Variants in MGAT4C observed in about 807,000 individuals in gnomAD.
MGAT4C encodes MGAT4 family member C, also known as alpha-1,3-mannosyl-glycoprotein 4-beta-N-acetylglucosaminyltransferase C.
Under a neutral mutation model 40.1 loss-of-function variants are expected in MGAT4C, and 19 were observed. That is an observed-to-expected ratio of 0.47 (90% CI 0.33 to 0.70). The LOEUF is 0.70. MGAT4C is among the 30% of genes least tolerant of loss of function. The pLI is 0.02. For missense variants in MGAT4C, 491 were observed against 563.2 expected (o/e 0.87, Z 1.30); for synonymous variants, 181 against 187.1 (o/e 0.97, Z 0.27).
At chr12:86,746,637 AACAATAATCATTTTCTCTT>A (rs1230895603) in intron 1 of MGAT4C, among the ~76,000 whole-genome samples, 28 of 151,694 alleles carry the variant, frequency 1.8e-4, no homozygotes, top group African/African-American at 5.1e-4. Flanking sequence ...CTTAACAAAC[AACAATAATCATTTTCTCTT>A]ACAATAATCA....
intron 2 of MGAT4C, among the ~76,000 whole-genome samples, chr12:86,592,301 T>C (rs1961359063): frequency 6.6e-6 from 1 of 152,114 alleles, no homozygotes; most frequent in Non-Finnish European, 1.5e-5. Flanking sequence ...TGAATTTCTT[T>C]CTACTTTATC....
intron 4 of MGAT4C, among the ~76,000 whole-genome samples, chr12:86,288,951 A>G (rs941579315): frequency 2.6e-5 from 4 of 152,086 alleles, no homozygotes; most frequent in Admixed American, 2.0e-4. Context: ...CTTTGTCACA[A>G]TTGCTTCTGA....
chr12:86,362,545 A>G (rs1267966040), intron 3 of MGAT4C, among the ~76,000 whole-genome samples: 2 of 152,170 alleles, frequency 1.3e-5, no homozygotes, highest in African/African-American at 2.4e-5. Flanking sequence ...TTAAAACAAG[A>G]ATAATAAAAA....
intron 1 of MGAT4C, among the ~76,000 whole-genome samples, chr12:86,146,550 T>G (rs1325129559): frequency 6.6e-6 from 1 of 152,100 alleles, no homozygotes; most frequent in Admixed American, 6.5e-5. Context: ...TCTTATTCTA[T>G]TTAAATCTCT....
chr12:86,095,058 A>G (rs1873652152), intron 1 of MGAT4C, among the ~76,000 whole-genome samples: 1 of 152,138 alleles, frequency 6.6e-6, no homozygotes, highest in South Asian at 2.1e-4. Context: ...AGGTAGTGGC[A>G]TTGTACTCAG....
At chr12:86,706,952 GA>G (rs1443549090) in intron 2 of MGAT4C, among the ~76,000 whole-genome samples, 3 of 152,120 alleles carry the variant, frequency 2.0e-5, no homozygotes, top group Non-Finnish European at 4.4e-5. Flanking sequence ...GGTTTTATAA[GA>G]GGAAGTTTCC....
chr12:86,658,126 T>C (rs1021196511), intron 2 of MGAT4C, among the ~76,000 whole-genome samples: 12 of 152,126 alleles, frequency 7.9e-5, no homozygotes, highest in Admixed American at 5.9e-4. Context: ...CAGATAGATA[T>C]AGTTAACTTT....
rs147200573 is a variant in MGAT4C, at chr12:86,483,894, C to T, written c.-228-48629G>A. 7.4e-5 allele frequency among the ~76,000 whole-genome samples: 11 copies of T among 149,008 alleles called. No individual in the cohort carries two copies. The East Asian group carries it at 2.0e-3, about 27-fold the overall frequency. ...CAGAGAGAGACCAAAATATCAAGTA[C>T]ACCAACATATTTTAAACAAATATTT... is the stretch of plus-strand genomic sequence containing the variant. On this transcript the variant is annotated intron_variant, in intron 2 of 7. Transcript: ENST00000548651.
At position 85,960,018 on chromosome 12, in the gene MGAT4C, A is replaced by G. The variant is rs1883026451; in HGVS notation, c.*19271T>C. The G allele has an allele frequency of 1.3e-5, 2 of 151,988 alleles. No individual in the cohort carries two copies. Among genetic ancestry groups the G allele is most frequent in the Admixed American group, 1.3e-4 (2 of 15,236 alleles). The allele number at this position is 151,988 out of a possible 1,614,324, so 9.4% of individuals were successfully genotyped here. A position where few individuals can be genotyped will look rare whatever the true frequency, so the allele number is the denominator to read the frequency against. On this transcript the variant is annotated 3_prime_UTR_variant, in exon 5 of 5. Transcript: ENST00000611864. ...TGTGAAGATCTGTGCAAATAGCTAT[A>G]TAAAATGCAATTCGGTATTAAAGAA...
intron 3 of MGAT4C, among the ~76,000 whole-genome samples, chr12:86,346,165 A>C (rs558921554): frequency 6.6e-6 from 1 of 152,312 alleles, no homozygotes; most frequent in African/African-American, 2.4e-5. Flanking sequence ...CATCAGAAGA[A>C]GGCCACCTAT....
intron 3 of MGAT4C, among the ~76,000 whole-genome samples, chr12:86,408,475 C>CTATATATATATATATATA (rs1363556793): frequency 9.6e-6 from 1 of 104,406 alleles, no homozygotes; most frequent in African/African-American, 4.3e-5. Context: ...CTCTCTCTCT[C>CTATATATATATATATATA]TCTCTATATA....
intron 3 of MGAT4C, among the ~76,000 whole-genome samples, chr12:86,414,622 C>T (rs1956672849): frequency 1.3e-5 from 2 of 151,990 alleles, no homozygotes; most frequent in Admixed American, 1.3e-4. Context: ...AATAAATTCA[C>T]TTCATGTTGA....
At chr12:86,434,480 T>C (rs1957102453) in intron 3 of MGAT4C, among the ~76,000 whole-genome samples, 1 of 151,922 alleles carries the variant, frequency 6.6e-6, no homozygotes, top group South Asian at 2.1e-4. Flanking sequence ...TTTATTGTCA[T>C]TTTAGACTGA....
chr12:86,186,278 C>T (rs1453480349), intron 1 of MGAT4C, among the ~76,000 whole-genome samples: 1 of 152,036 alleles, frequency 6.6e-6, no homozygotes, highest in Non-Finnish European at 1.5e-5. Context: ...ACAATGAACC[C>T]AAGTTCAAGC....
At position 86,774,395 on chromosome 12, in the gene MGAT4C, TC is replaced by T. The variant is rs36166859; in HGVS notation, c.-261-47155del. ...CTTTCTGTCTGTCTCTCTCTCTCTC[TC>T]CTCTCTCTCTCTCTCTCTCTCTCTC... On this transcript the variant is annotated intron_variant, in intron 1 of 7. Transcript: ENST00000548651. 2.7e-3 allele frequency among the ~76,000 whole-genome samples: 188 copies of T among 68,866 alleles called. 15 individuals are homozygous for T. The highest frequency in any genetic ancestry group is 0.016 in the Admixed American group (77 of 4,872). 45.2% of individuals were successfully genotyped at this position (68,866 alleles called of 152,430 possible). A position where few individuals can be genotyped will look rare whatever the true frequency, so the allele number is the denominator to read the frequency against.
intron 3 of MGAT4C, among the ~76,000 whole-genome samples, chr12:86,366,036 C>T (rs574254702): frequency 1.3e-5 from 2 of 151,968 alleles, no homozygotes; most frequent in African/African-American, 4.8e-5. Flanking sequence ...AATGTTTTTC[C>T]ATTTATTTTT....
intron 1 of MGAT4C, among the ~76,000 whole-genome samples, chr12:86,128,548 T>A (rs1880670583): frequency 6.6e-6 from 1 of 152,170 alleles, no homozygotes; most frequent in Non-Finnish European, 1.5e-5. Context: ...AAACCTCTTT[T>A]TCTTCCCAGT....
rs1359867697 is a variant in MGAT4C, at chr12:85,989,679, C to G, written c.-6-127G>C. 4 of 812,244 alleles carry G rather than the reference C, an allele frequency of 4.9e-6. No individual in the cohort carries two copies. In the African/African-American group the frequency reaches 7.0e-5, roughly 14 times the overall value. 50.3% of individuals were successfully genotyped at this position (812,244 alleles called of 1,614,324 possible). On this transcript the variant is annotated intron_variant, in intron 2 of 4. Transcript: ENST00000611864. ...AATGTTTGAATTAAAATTCTGTTCC[C>G]AATTTCAAACATAAGGTTGGCACAG...
At chr12:86,099,436 TTATAC>T (rs1874547525) in intron 1 of MGAT4C, among the ~76,000 whole-genome samples, 1 of 151,040 alleles carries the variant, frequency 6.6e-6, no homozygotes, top group Non-Finnish European at 1.5e-5. Context: ...TTTTTATTTA[TTATAC>T]TATAAGTTCC....
Sources: allele counts gnomAD v4.1 joint callset (sites outside exome capture counted in the v4.1 genomes callset), GRCh38; gene constraint gnomAD v4.1.1; transcripts MANE v1.5; gene names NCBI Gene and HGNC (gene_info 2026-07-23, HGNC 2026-07-21).